RIMBP2: variants seen among roughly 807,000 people sequenced by gnomAD.
The protein encoded by RIMBP2 is RIMS binding protein 2.
Under a neutral mutation model 118.6 loss-of-function variants are expected in RIMBP2, and 48 were observed. The ratio of observed to expected loss-of-function variants is 0.40; its 90% confidence interval spans 0.32 to 0.51. The LOEUF is 0.51. Among genes scored for constraint, RIMBP2 ranks in the 20% least tolerant of loss-of-function variants. The pLI is 0.41. For synonymous variants in RIMBP2, 762 were observed against 742.9 expected (o/e 1.03, Z -0.42); for missense variants, 1,551 against 1,768.3 (o/e 0.88, Z 2.20).
In RIMBP2 at chr12:130,507,427, A is replaced by G. The variant is rs182857256; in HGVS notation, c.-126-657T>C. On this transcript the variant is annotated intron_variant, in intron 3 of 22. Coordinates refer to ENST00000690449, the MANE Select transcript of RIMBP2 (RefSeq NM_001393629.1). ...TTTGAATCGTCTGTCCCCTGTAACT[A>G]TGAGAGCCCTAACAGATACAAGTGT... is the stretch of plus-strand genomic sequence containing the variant. Among the ~76,000 whole-genome samples, 67 of 152,316 alleles carry G rather than the reference A, an allele frequency of 4.4e-4. No homozygotes were observed. The East Asian group carries it at 0.012, about 28-fold the overall frequency.
intron 2 of RIMBP2, among the ~76,000 whole-genome samples, chr12:130,618,013 A>C (rs1369187505): frequency 1.9e-5 from 2 of 107,414 alleles, no homozygotes; most frequent in Admixed American, 1.1e-4. Flanking sequence ...GCAACATAGA[A>C]AGACCTCTTC....
At chr12:130,574,940 C>T in intron 2 of RIMBP2, among the ~76,000 whole-genome samples, 1 of 151,528 alleles carries the variant, frequency 6.6e-6, no homozygotes, top group African/African-American at 2.4e-5. Context: ...ATGCCCTGTG[C>T]CAAGTCCTCC....
intron 2 of RIMBP2, among the ~76,000 whole-genome samples, chr12:130,614,284 G>T (rs1759717877): frequency 6.6e-6 from 1 of 152,178 alleles, no homozygotes; most frequent in African/African-American, 2.4e-5. Flanking sequence ...ACAGGAATCA[G>T]CGAAAACCAT....
chr12:130,532,371 G>A (rs1361219666), intron 2 of RIMBP2, among the ~76,000 whole-genome samples: 4 of 147,690 alleles, frequency 2.7e-5, no homozygotes, highest in Admixed American at 6.7e-5. Flanking sequence ...TAGGAGTTAC[G>A]TCTAATGAGA....
intron 1 of RIMBP2, among the ~76,000 whole-genome samples, chr12:130,647,998 CACACACGTGTGCACACACATGTGA>C (rs150675859): frequency 1.4e-5 from 2 of 143,300 alleles, no homozygotes; most frequent in East Asian, 1.9e-4. Context: ...ATAACACATG[CACACACGTGTGCACACACATGTGA>C]ACACACGTGT....
At chr12:130,433,056 C>T (rs1391806845) in intron 14 of RIMBP2, among the ~76,000 whole-genome samples, 6 of 151,666 alleles carry the variant, frequency 4.0e-5, no homozygotes, top group African/African-American at 1.5e-4. Context: ...CACACTCTTG[C>T]TAAACTCCAG....
At chr12:130,585,012 GTAGC>G (rs1443823537) in intron 2 of RIMBP2, among the ~76,000 whole-genome samples, 1 of 151,934 alleles carries the variant, frequency 6.6e-6, no homozygotes. Context: ...TACCTCCTGC[GTAGC>G]TAGAATGACA....
At chr12:130,693,717 G>T (rs1053193812) in intron 1 of RIMBP2, among the ~76,000 whole-genome samples, 5 of 152,198 alleles carry the variant, frequency 3.3e-5, no homozygotes, top group Non-Finnish European at 7.3e-5. Context: ...TGCAGACTAG[G>T]GTGGCACATG....
intron 12 of RIMBP2, 31 bp downstream of exon 12, chr12:130,438,334 A>AACCCACCCC: frequency 7.4e-7 from 1 of 1,344,516 alleles, no homozygotes; most frequent in Non-Finnish European, 1.1e-6. Flanking sequence ...GGGCCTAACA[A>AACCCACCCC]ACCCTCCCCA....
chr12:130,694,551 C>A (rs1233584897), intron 1 of RIMBP2, among the ~76,000 whole-genome samples: 1 of 152,182 alleles, frequency 6.6e-6, no homozygotes, highest in Non-Finnish European at 1.5e-5. Flanking sequence ...CCTCTCTACG[C>A]TCCTGCCCAA....
chr12:130,605,608 A>T (rs2060135999), intron 2 of RIMBP2, among the ~76,000 whole-genome samples: 1 of 152,216 alleles, frequency 6.6e-6, no homozygotes, highest in African/African-American at 2.4e-5. Flanking sequence ...TAAAGTGACA[A>T]TATCTACAAC....
intron 6 of RIMBP2, among the ~76,000 whole-genome samples, chr12:130,456,931 C>CAT (rs1566073018): frequency 4.6e-5 from 7 of 152,334 alleles, no homozygotes; most frequent in Admixed American, 3.3e-4. Flanking sequence ...CCCACTTTCA[C>CAT]GGGAGAGCAG....
chr12:130,530,493 A>C (rs1457402031), intron 2 of RIMBP2, among the ~76,000 whole-genome samples: 2 of 152,222 alleles, frequency 1.3e-5, no homozygotes, highest in Non-Finnish European at 2.9e-5. Flanking sequence ...TTTTTAAAAG[A>C]AAAAGGGGAC....
intron 4 of RIMBP2, among the ~76,000 whole-genome samples, chr12:130,506,368 G>C (rs961810520): frequency 2.0e-5 from 3 of 152,208 alleles, no homozygotes; most frequent in Non-Finnish European, 4.4e-5. Flanking sequence ...CCATTCAGGA[G>C]CGGTGTGCCT....
In RIMBP2 at chr12:130,523,901, C is replaced by T. The variant is rs2052456959; in HGVS notation, c.-216-5984G>A. ...TGGTCTCAGAGGTGGGGAAGAGGGT[C>T]CACCCAGCACAAATACATAACAAAG... On this transcript the variant is annotated intron_variant, in intron 2 of 22. Coordinates refer to ENST00000690449, the MANE Select transcript of RIMBP2 (RefSeq NM_001393629.1). This position sits in a 1 kb window ranked among gnomAD's most constrained non-coding sequence, Gnocchi z 4.4. 6.6e-6 allele frequency among the ~76,000 whole-genome samples: 1 copy of T among 152,146 alleles called. No individual in the cohort carries two copies. The highest frequency in any genetic ancestry group is 6.5e-5 in the Admixed American group (1 of 15,280).
At chr12:130,600,270 G>A (rs1357335379) in intron 2 of RIMBP2, among the ~76,000 whole-genome samples, 1 of 152,132 alleles carries the variant, frequency 6.6e-6, no homozygotes, top group Non-Finnish European at 1.5e-5. Context: ...AAATCCAAAG[G>A]GCATCAGCCT....
Position 130,413,219 on chromosome 12 carries a change from A to G in RIMBP2, c.3421-432T>C, listed in dbSNP as rs550256057. On this transcript the variant is annotated intron_variant, in intron 18 of 22. Coordinates refer to ENST00000690449, the MANE Select transcript of RIMBP2 (RefSeq NM_001393629.1). ...ATAGCAGGCATTCCGACCGTTCTCA[A>G]ATGCCAACTGTCAGGACCCTTGCTG... Among the ~76,000 whole-genome samples the G allele has an allele frequency of 2.6e-5, 4 of 152,270 alleles. No individual in the cohort carries two copies. The East Asian group carries it at 7.7e-4, about 29-fold the overall frequency.
At chr12:130,438,967 C>T (rs1000331547) in intron 11 of RIMBP2, among the ~76,000 whole-genome samples, 1 of 152,002 alleles carries the variant, frequency 6.6e-6, no homozygotes, top group African/African-American at 2.4e-5. Context: ...CCTCATCCCC[C>T]CGCCCGCCCC....
chr12:130,481,540 T>C (rs2082010782), intron 4 of RIMBP2, among the ~76,000 whole-genome samples: 1 of 152,192 alleles, frequency 6.6e-6, no homozygotes, highest in African/African-American at 2.4e-5. Flanking sequence ...AAGCTGGAAT[T>C]ACCCTGCACC....
Sources: allele counts gnomAD v4.1 joint callset (sites outside exome capture counted in the v4.1 genomes callset), GRCh38; gene constraint gnomAD v4.1.1; non-coding constraint Gnocchi (gnomAD v3.1); transcripts MANE v1.5; gene names NCBI Gene and HGNC (gene_info 2026-07-23, HGNC 2026-07-21).